AGBL1: variants seen among roughly 807,000 people sequenced by gnomAD.
The protein encoded by AGBL1 is AGBL carboxypeptidase 1, also known as cytosolic carboxypeptidase 4.
In AGBL1, 130 loss-of-function variants were observed where a neutral mutation model predicts 118.9. The ratio of observed to expected loss-of-function variants is 1.09; its 90% CI spans 0.95 to 1.26. The LOEUF (loss-of-function observed/expected upper bound fraction) is 1.26. Ranked by LOEUF, AGBL1 falls within the 50% of genes most tolerant of loss-of-function variation. AGBL1 has a pLI of 0.00. For missense variants in AGBL1, 1,584 were observed against 1,298.1 expected (o/e 1.22, Z -3.38); for synonymous variants, 555 against 478.9 (o/e 1.16, Z -2.08).
At chr15:86,295,110 T>C in intron 16 of AGBL1, 145 bp from the exon 17 acceptor site, 1 of 924,532 alleles carries the variant, frequency 1.1e-6, no homozygotes, top group Non-Finnish European at 1.6e-6. Flanking sequence ...AATAGCCCCC[T>C]TTTAATCACT....
At chr15:86,403,832 C>T (rs752108615) in intron 18 of AGBL1, among the ~76,000 whole-genome samples, 11 of 152,164 alleles carry the variant, frequency 7.2e-5, no homozygotes, top group Non-Finnish European at 1.2e-4. Context: ...AGAACCTTAA[C>T]ATGTTCTTGC....
At chr15:86,524,856 G>C (rs889718973) in intron 19 of AGBL1, among the ~76,000 whole-genome samples, 2 of 152,072 alleles carry the variant, frequency 1.3e-5, no homozygotes, top group Admixed American at 6.6e-5. Flanking sequence ...AGAACAAAGT[G>C]GATTCTTTTC....
chr15:86,917,554 CA>C (rs1352533576), downstream of AGBL1, among the ~76,000 whole-genome samples: 3 of 152,160 alleles, frequency 2.0e-5, no homozygotes, highest in Non-Finnish European at 4.4e-5. This position sits in a 1 kb window ranked among gnomAD's most constrained non-coding sequence, Gnocchi z 4.8. Flanking sequence ...TAGCAGCAGC[CA>C]CAGGGCAAGT....
At chr15:86,156,107 G>A (rs891495485) in intron 4 of AGBL1, among the ~76,000 whole-genome samples, 3 of 152,028 alleles carry the variant, frequency 2.0e-5, no homozygotes, top group African/African-American at 7.2e-5. Context: ...TTTTAGTAGG[G>A]ACAGGGTTTC....
chr15:86,296,135 A>G (rs1424384994), intron 17 of AGBL1: 1 of 151,670 alleles, frequency 6.6e-6, no homozygotes, highest in Non-Finnish European at 1.5e-5. Context: ...GCCTAAGTGC[A>G]TATGTGCGAC....
intron 22 of AGBL1, among the ~76,000 whole-genome samples, chr15:86,798,169 A>C (rs1431906591): frequency 1.3e-5 from 2 of 152,178 alleles, no homozygotes; most frequent in Admixed American, 1.3e-4. Flanking sequence ...AGGAAAACAG[A>C]ACAAAACAAC....
intron 22 of AGBL1, among the ~76,000 whole-genome samples, chr15:86,686,688 T>C (rs561708486): frequency 9.2e-5 from 14 of 152,184 alleles, no homozygotes; most frequent in Admixed American, 2.0e-4. Context: ...CTGCCTGCCT[T>C]GGCCTCCCAA....
intron 22 of AGBL1, among the ~76,000 whole-genome samples, chr15:86,750,902 G>T (rs998130851): frequency 2.0e-5 from 3 of 151,948 alleles, no homozygotes; most frequent in African/African-American, 7.2e-5. Flanking sequence ...TTGGTTCTCT[G>T]TTCCTGCATT....
At chr15:86,257,101 A>G (rs1447993649) in intron 8 of AGBL1, 83 bp downstream of exon 8, 1 of 1,398,864 alleles carries the variant, frequency 7.1e-7, no homozygotes, top group Non-Finnish European at 9.7e-7. Context: ...TGAAAATAGA[A>G]TTCGTTATTT....
At chr15:86,377,066 T>C (rs1436690526) in intron 17 of AGBL1, among the ~76,000 whole-genome samples, 1 of 152,188 alleles carries the variant, frequency 6.6e-6, no homozygotes, top group Admixed American at 6.5e-5. Flanking sequence ...GTCAGGATTA[T>C]GCTGGTGAGG....
At chr15:86,759,585 A>C (rs1378258558) in intron 22 of AGBL1, among the ~76,000 whole-genome samples, 1 of 152,094 alleles carries the variant, frequency 6.6e-6, no homozygotes, top group Non-Finnish European at 1.5e-5. Flanking sequence ...TTCCTCCCCA[A>C]ATCACACAAC....
intron 17 of AGBL1, among the ~76,000 whole-genome samples, chr15:86,300,703 C>G (rs1014402225): frequency 1.1e-4 from 16 of 152,180 alleles, no homozygotes; most frequent in Non-Finnish European, 1.9e-4. Flanking sequence ...TGGCTCACAA[C>G]TGTTCTTTCC....
In AGBL1 at chr15:86,220,079, G is replaced by A. The variant is rs186831277; in HGVS notation, c.489-4835G>A. Among the ~76,000 whole-genome samples the A allele has an allele frequency of 5.8e-4, 86 of 149,436 alleles. 1 individual carries two copies. In the East Asian group the frequency reaches 0.016, roughly 27 times the overall value. On this transcript the variant is annotated intron_variant, in intron 5 of 22. Transcript: ENST00000614907. Reference sequence around the variant, plus strand: ...CAATTCTCCTGCCTCAGCCTCACAAGTAACTGGGATTACAGGGGCCTGCCA... The same window carrying A: ...CAATTCTCCTGCCTCAGCCTCACAAATAACTGGGATTACAGGGGCCTGCCA...
chr15:86,686,181 T>C (rs541383982), intron 22 of AGBL1, among the ~76,000 whole-genome samples: 3 of 152,296 alleles, frequency 2.0e-5, no homozygotes, highest in Middle Eastern at 3.4e-3. Flanking sequence ...TATTGGCTAT[T>C]GAATGTTTGC....
At chr15:86,986,446 C>A (rs2081283172) in intron 23 of AGBL1, among the ~76,000 whole-genome samples, 1 of 152,164 alleles carries the variant, frequency 6.6e-6, no homozygotes. Flanking sequence ...ATCAGATAGT[C>A]TTTCAACTTA....
At chr15:86,520,421 G>T (rs1391682141) in intron 18 of AGBL1, among the ~76,000 whole-genome samples, 1 of 152,154 alleles carries the variant, frequency 6.6e-6, no homozygotes, top group Non-Finnish European at 1.5e-5. Flanking sequence ...TAGCAGCTTG[G>T]AGTTGGAACT....
chr15:86,206,198 T>C (rs1054256581), intron 5 of AGBL1, among the ~76,000 whole-genome samples: 2 of 152,224 alleles, frequency 1.3e-5, no homozygotes, highest in African/African-American at 2.4e-5. Flanking sequence ...CACATTTTCT[T>C]AATCCAGTCT....
At chr15:86,679,206 A>G (rs1227605505) in intron 22 of AGBL1, among the ~76,000 whole-genome samples, 1 of 151,954 alleles carries the variant, frequency 6.6e-6, no homozygotes, top group Non-Finnish European at 1.5e-5. Flanking sequence ...ATAAAATCTG[A>G]TATTTTTATT....
chr15:86,500,408 T>C (rs577321251), intron 18 of AGBL1, among the ~76,000 whole-genome samples: 1 of 152,004 alleles, frequency 6.6e-6, no homozygotes, highest in Admixed American at 6.6e-5. Context: ...GGTAGCCATA[T>C]GCTGAAAGAG....
Sources: gnomAD v4.1 joint callset for allele counts (sites outside exome capture counted in the v4.1 genomes callset) on GRCh38, gnomAD v4.1.1 for gene constraint, Gnocchi (gnomAD v3.1) non-coding constraint, MANE v1.5 for transcripts, NCBI Gene and HGNC (gene_info 2026-07-23, HGNC 2026-07-21) for gene names.